HTR1F: variants seen among roughly 807,000 people sequenced by gnomAD.
HTR1F encodes the protein 5-hydroxytryptamine (serotonin) receptor 1F, G protein-coupled.
HTR1F carries 17 observed loss-of-function variants against 24.0 expected under a neutral mutation model. The observed-to-expected ratio is 0.71, with a 90% CI of 0.48 to 1.06. The LOEUF is 1.06. HTR1F is among the 50% of genes least tolerant of loss of function. The pLI is 0.00. For missense variants in HTR1F, 391 were observed against 427.8 expected, an observed-to-expected ratio of 0.91 and a Z score of 0.76; for synonymous variants, 186 against 156.8, an observed-to-expected ratio of 1.19 and a Z score of -1.39.
chr3:87,842,301 T>G (rs1437331794), intron 2 of HTR1F, among the ~76,000 whole-genome samples: 1 of 151,512 alleles, frequency 6.6e-6, no homozygotes, highest in African/African-American at 2.4e-5. Context: ...GCTGGGATTA[T>G]AGGCGCCCAC....
chr3:87,966,053 T>C (rs1224725756), intron 2 of HTR1F, among the ~76,000 whole-genome samples: 4 of 152,154 alleles, frequency 2.6e-5, no homozygotes, highest in Non-Finnish European at 5.9e-5. Flanking sequence ...AAAAACTGAG[T>C]GGCTTATAAA....
rs906335320 is a variant in HTR1F, at chr3:87,992,316, G to C, written c.*466G>C. The C allele has an allele frequency of 8.4e-5, 14 of 166,906 alleles. No homozygotes were observed. Among genetic ancestry groups the C allele is most frequent in the African/African-American group, 3.1e-4 (13 of 41,350 alleles). 10.3% of individuals were successfully genotyped at this position (166,906 alleles called of 1,614,324 possible). A position where few individuals can be genotyped will look rare whatever the true frequency, so the allele number is the denominator to read the frequency against. On this transcript the variant is annotated 3_prime_UTR_variant, in exon 3 of 3. Transcript: ENST00000319595. ...ACACATTTCTCCTGTCTCCATTCTT[G>C]TCCCTTCTCCATCTTACCCTGAGCA...
intron 2 of HTR1F, among the ~76,000 whole-genome samples, chr3:87,908,029 A>T (rs1347553248): frequency 1.3e-5 from 2 of 152,010 alleles, no homozygotes; most frequent in Non-Finnish European, 2.9e-5. Context: ...CATCTATCCT[A>T]AGGAAATAAT....
intron 1 of HTR1F, among the ~76,000 whole-genome samples, 25 bp from the exon 2 acceptor site, chr3:87,821,983 T>A (rs1391337957): frequency 6.6e-6 from 1 of 152,124 alleles, no homozygotes; most frequent in Non-Finnish European, 1.5e-5. Context: ...AAGAAATGAT[T>A]TGTTTTATTC....
At chr3:87,922,594 G>A (rs1438551972) in intron 2 of HTR1F, among the ~76,000 whole-genome samples, 1 of 151,662 alleles carries the variant, frequency 6.6e-6, no homozygotes. Flanking sequence ...TAAAGTTTTT[G>A]CCCAGGCCAA....
At chr3:87,988,738 T>C (rs2107524485) in intron 2 of HTR1F, among the ~76,000 whole-genome samples, 1 of 151,572 alleles carries the variant, frequency 6.6e-6, no homozygotes, top group East Asian at 1.9e-4. Flanking sequence ...CCCAATAATT[T>C]TTTTTTTTTT....
At chr3:87,953,660 A>G (rs553900137) in intron 2 of HTR1F, among the ~76,000 whole-genome samples, 16 of 151,928 alleles carry the variant, frequency 1.1e-4, no homozygotes, top group African/African-American at 3.6e-4. Flanking sequence ...GAACTACTAT[A>G]TAAGCTAGCA....
chr3:87,956,007 A>C (rs968070166), intron 2 of HTR1F, among the ~76,000 whole-genome samples: 2 of 151,268 alleles, frequency 1.3e-5, no homozygotes, highest in African/African-American at 4.8e-5. Context: ...CTGTGGCTTG[A>C]CTTTATTTTT....
intron 2 of HTR1F, among the ~76,000 whole-genome samples, chr3:87,943,487 T>C (rs1704619393): frequency 6.6e-6 from 1 of 151,396 alleles, no homozygotes; most frequent in Non-Finnish European, 1.5e-5. Context: ...GGAGGGGGCA[T>C]AATCGGGGAA....
chr3:87,904,723 A>G (rs1460552453), intron 2 of HTR1F, among the ~76,000 whole-genome samples: 2 of 152,254 alleles, frequency 1.3e-5, no homozygotes, highest in East Asian at 3.9e-4. Flanking sequence ...GTTGAGCAAA[A>G]GAAGCCAAGC....
At chr3:87,808,734 A>T (rs528921599) in intron 1 of HTR1F, among the ~76,000 whole-genome samples, 10 of 151,498 alleles carry the variant, frequency 6.6e-5, no homozygotes, top group Non-Finnish European at 1.5e-4. Context: ...CTACTTTTTT[A>T]TGTGGGCATT....
chr3:87,973,651 C>T (rs149238837), intron 2 of HTR1F, among the ~76,000 whole-genome samples: 2 of 152,260 alleles, frequency 1.3e-5, no homozygotes, highest in East Asian at 1.9e-4. Context: ...GGCTTAAATA[C>T]TCACTGCCGC....
chr3:87,820,007 A>G (rs1430069242), intron 1 of HTR1F, among the ~76,000 whole-genome samples: 1 of 152,108 alleles, frequency 6.6e-6, no homozygotes, highest in East Asian at 1.9e-4. Context: ...TGCTTTTTAT[A>G]TTTCTGTGTA....
At chr3:87,932,644 C>A (rs976835153) in intron 2 of HTR1F, among the ~76,000 whole-genome samples, 4 of 152,038 alleles carry the variant, frequency 2.6e-5, no homozygotes, top group African/African-American at 9.7e-5. Context: ...TCTCCCAAGA[C>A]TAAACCAGGA....
chr3:87,803,449 A>T (rs1219399977), intron 1 of HTR1F, among the ~76,000 whole-genome samples: 3 of 152,100 alleles, frequency 2.0e-5, no homozygotes, highest in Admixed American at 6.6e-5. Flanking sequence ...AAGGGGGGAA[A>T]ATCTATCCAG....
intron 1 of HTR1F, among the ~76,000 whole-genome samples, chr3:87,813,044 G>A (rs1704187365): frequency 6.6e-6 from 1 of 152,216 alleles, no homozygotes; most frequent in Admixed American, 6.5e-5. Context: ...AATGTAGAAG[G>A]GAAATGTGGG....
At chr3:87,851,207 T>C (rs1435854746) in intron 2 of HTR1F, among the ~76,000 whole-genome samples, 2 of 151,858 alleles carry the variant, frequency 1.3e-5, no homozygotes, top group East Asian at 3.9e-4. Flanking sequence ...TTTATTATGC[T>C]CTTTATTTTG....
chr3:87,802,806 C>T (rs947173029), intron 1 of HTR1F, among the ~76,000 whole-genome samples: 3 of 152,140 alleles, frequency 2.0e-5, no homozygotes, highest in Admixed American at 1.3e-4. Flanking sequence ...TGCATATTTT[C>T]ATGCCTTTTT....
intron 2 of HTR1F, among the ~76,000 whole-genome samples, chr3:87,861,692 T>C (rs1575957852): frequency 6.6e-6 from 1 of 152,184 alleles, no homozygotes; most frequent in African/African-American, 2.4e-5. Flanking sequence ...TAAATAGCTC[T>C]TTTTCATTGC....
Sources: allele counts gnomAD v4.1 joint callset (sites outside exome capture counted in the v4.1 genomes callset), GRCh38; gene constraint gnomAD v4.1.1; transcripts MANE v1.5; gene names NCBI Gene and HGNC (gene_info 2026-07-23, HGNC 2026-07-21).